TEX9: variants seen among roughly 807,000 people sequenced by gnomAD.
The protein encoded by TEX9 is testis-expressed protein 9.
A neutral mutation model predicts 59.6 loss-of-function variants in TEX9; 74 were observed. The observed-to-expected ratio is 1.24, with a 90% confidence interval of 1.03 to 1.51. TEX9 has a LOEUF of 1.51. TEX9 is among the 40% of genes most tolerant of loss of function. The probability of loss-of-function intolerance (pLI) is 0.00; values close to 1 mark genes in which losing one functional copy is unlikely to be tolerated. For missense variants in TEX9, 522 were observed against 447.8 expected (o/e 1.17, Z -1.49); for synonymous variants, 186 against 152.2 (o/e 1.22, Z -1.64).
chr15:56,360,390 G>A (rs1347822617), intron 1 of TEX9, among the ~76,000 whole-genome samples: 1 of 152,116 alleles, frequency 6.6e-6, no homozygotes, highest in Non-Finnish European at 1.5e-5. Flanking sequence ...TTGACTCAAT[G>A]TCCTTGCCTA....
At chr15:56,363,128 T>C (rs1364136808), upstream of TEX9, among the ~76,000 whole-genome samples, 2 of 152,214 alleles carry the variant, frequency 1.3e-5, no homozygotes, top group African/African-American at 4.8e-5. Context: ...GGTTGCTGGA[T>C]TGTTTGGTAA....
At chr15:56,332,335 T>C (rs1207458957) in intron 1 of TEX9, among the ~76,000 whole-genome samples, 4 of 150,956 alleles carry the variant, frequency 2.6e-5, no homozygotes, top group African/African-American at 9.7e-5. Context: ...TGGATGAAAT[T>C]GGAAATCATC....
intron 10 of TEX9, among the ~76,000 whole-genome samples, chr15:56,425,777 G>C (rs186945755): frequency 7.2e-5 from 11 of 152,012 alleles, no homozygotes; most frequent in Non-Finnish European, 1.3e-4. Flanking sequence ...CTGTTTCTTT[G>C]AATGTCTTGT....
intron 12 of TEX9, chr15:56,434,081 G>C (rs2050672528): frequency 1.3e-6 from 2 of 1,531,780 alleles, no homozygotes; most frequent in Non-Finnish European, 1.8e-6. Context: ...GTGGATGATA[G>C]ATGAGCTATT....
chr15:56,440,880 GACATTTGGGTTATTTCT>G (rs1390357264), intron 12 of TEX9, among the ~76,000 whole-genome samples: 7 of 152,062 alleles, frequency 4.6e-5, no homozygotes, highest in Non-Finnish European at 1.0e-4. Flanking sequence ...TTATCCATTA[GACATTTGGGTTATTTCT>G]ACTTTTGGGT....
At chr15:56,328,567 T>C (rs1236340221) in intron 1 of TEX9, among the ~76,000 whole-genome samples, 1 of 152,134 alleles carries the variant, frequency 6.6e-6, no homozygotes, top group African/African-American at 2.4e-5. Flanking sequence ...GAAGGGCAAG[T>C]CCCAGACTGG....
At chr15:56,459,712 G>A in the TEX9 span, among the ~76,000 whole-genome samples, 4 of 151,850 alleles carry the variant, frequency 2.6e-5, no homozygotes, top group Admixed American at 6.6e-5. Context: ...GGCTGGGCAC[G>A]GTGGCTCATG....
downstream of TEX9, among the ~76,000 whole-genome samples, chr15:56,447,999 A>G (rs1445220106): frequency 1.3e-5 from 2 of 152,192 alleles, no homozygotes; most frequent in Non-Finnish European, 2.9e-5. Context: ...ATTGCAGGAT[A>G]TTATTTTAAG....
chr15:56,418,139 A>T (rs548120912), intron 10 of TEX9, among the ~76,000 whole-genome samples: 1 of 151,702 alleles, frequency 6.6e-6, no homozygotes, highest in South Asian at 2.1e-4. Flanking sequence ...CCAGCTTGTC[A>T]CTCCATGCCT....
chr15:56,444,799 G>C (rs1279381770), intron 12 of TEX9: 20 of 854,284 alleles, frequency 2.3e-5, no homozygotes, highest in Non-Finnish European at 5.3e-6. Context: ...CATCTGTCTA[G>C]GTTAAAAAGC....
At chr15:56,280,234 A>G (rs1364207395) in intron 1 of TEX9, among the ~76,000 whole-genome samples, 2 of 152,222 alleles carry the variant, frequency 1.3e-5, no homozygotes, top group Non-Finnish European at 2.9e-5. Context: ...CTATATAAAT[A>G]TTGAGAGAAG....
Position 56,433,887 on chromosome 15 carries a change from T to C in TEX9, c.*29+5414T>C, listed in dbSNP as rs376167196. Among the ~76,000 whole-genome samples, 7 of 152,272 alleles carry C rather than the reference T, an allele frequency of 4.6e-5. No homozygotes were observed. In the East Asian group the frequency reaches 1.3e-3, roughly 29 times the overall value. On this transcript the variant is annotated intron_variant, in intron 12 of 12. Transcript: ENST00000352903. ...TATATATTTTTCTTAACCAAGACCA[T>C]AAATTCATAAGTGACATGGACTTAG...
intron 3 of TEX9, among the ~76,000 whole-genome samples, chr15:56,380,502 C>G (rs2047677423): frequency 6.6e-6 from 1 of 152,058 alleles, no homozygotes; most frequent in African/African-American, 2.4e-5. Flanking sequence ...TTACTATTAC[C>G]AGTGACTTTT....
intron 12 of TEX9, among the ~76,000 whole-genome samples, chr15:56,432,405 C>A (rs943572921): frequency 6.6e-6 from 1 of 152,050 alleles, no homozygotes; most frequent in Admixed American, 6.6e-5. Flanking sequence ...TAGAGGTAGA[C>A]AGAATTACAG....
chr15:56,318,744 A>C (rs540683432), intron 1 of TEX9, among the ~76,000 whole-genome samples: 1 of 152,290 alleles, frequency 6.6e-6, no homozygotes, highest in South Asian at 2.1e-4. Context: ...TAACTTAAGC[A>C]ATCAAGTTCA....
intron 4 of TEX9, among the ~76,000 whole-genome samples, chr15:56,387,100 C>T (rs2047996306): frequency 6.6e-6 from 1 of 151,696 alleles, no homozygotes; most frequent in South Asian, 2.1e-4. Context: ...CATGGTTTAC[C>T]ATACAGTTAT....
intron 1 of TEX9, among the ~76,000 whole-genome samples, chr15:56,300,234 G>A (rs557549812): frequency 2.6e-5 from 4 of 152,018 alleles, no homozygotes; most frequent in East Asian, 3.9e-4. Context: ...AGTACTTGCT[G>A]TGGGCCCTGG....
At chr15:56,304,851 T>C (rs1172952681) in intron 1 of TEX9, among the ~76,000 whole-genome samples, 3 of 152,150 alleles carry the variant, frequency 2.0e-5, no homozygotes, top group African/African-American at 7.2e-5. Context: ...GCCTCCTGAG[T>C]AGCTGAGACC....
chr15:56,266,483 C>G lies in TEX9; in HGVS notation c.-107+22205C>G, dbSNP rs117601124. On this transcript the variant is annotated intron_variant, in intron 1 of 5. Transcript: ENST00000560827. ...AATGCTATCCGTCCCCCATCCCCCC[C>G]ACCCAATGACAGGCCCCGGTGTGTG... 1.1e-3 allele frequency among the ~76,000 whole-genome samples: 171 copies of G among 150,536 alleles called. 6 individuals are homozygous for G. The South Asian group carries it at 0.036, about 31-fold the overall frequency.
Sources: allele counts gnomAD v4.1 joint callset (sites outside exome capture counted in the v4.1 genomes callset), GRCh38; gene constraint gnomAD v4.1.1; transcripts MANE v1.5; gene names NCBI Gene and HGNC (gene_info 2026-07-23, HGNC 2026-07-21).